INPP5A: variants seen among roughly 807,000 people sequenced by gnomAD.
INPP5A encodes the protein 43 kDa inositol polyphosphate 5-phophatase.
In INPP5A, 14 loss-of-function variants were observed where a neutral mutation model predicts 65.2. That is an observed-to-expected ratio of 0.21 (90% CI 0.14 to 0.34). INPP5A has a LOEUF of 0.34. Among genes scored for constraint, INPP5A ranks in the 10% least tolerant of loss-of-function variants. INPP5A has a pLI of 1.00. For synonymous variants in INPP5A, 207 were observed against 208.3 expected, an observed-to-expected ratio of 0.99 and a Z score of 0.05; for missense variants, 431 against 545.6, an observed-to-expected ratio of 0.79 and a Z score of 2.09.
chr10:132,697,672 G>A lies in INPP5A; in HGVS notation c.371-144G>A, dbSNP rs567356018. On this transcript the variant is annotated intron_variant, in intron 5 of 15. Coordinates refer to ENST00000368594, the MANE Select transcript of INPP5A (RefSeq NM_005539.5). This position sits in a 1 kb window ranked among gnomAD's most constrained non-coding sequence, Gnocchi z 5.6. Reference sequence around the variant, plus strand: ...CCGGCCCGCTGGGGGTCTGTTCTGGGTCGGACCCCTCATCAGGGCCTCCTC... The same window carrying A: ...CCGGCCCGCTGGGGGTCTGTTCTGGATCGGACCCCTCATCAGGGCCTCCTC... 4 of 628,236 alleles carry A rather than the reference G, an allele frequency of 6.4e-6. No individual in the cohort carries two copies. Among genetic ancestry groups the A allele is most frequent in the African/African-American group, 1.8e-5 (1 of 54,600 alleles). 38.9% of individuals were successfully genotyped at this position (628,236 alleles called of 1,614,324 possible). A position where few individuals can be genotyped will look rare whatever the true frequency, so the allele number is the denominator to read the frequency against.
chr10:132,597,160 T>G (rs1208941734), intron 1 of INPP5A, among the ~76,000 whole-genome samples: 3 of 152,206 alleles, frequency 2.0e-5, no homozygotes, highest in African/African-American at 4.8e-5. Flanking sequence ...TGTGTGAGTG[T>G]GTGTGCGCAT....
At chr10:132,641,947 T>C (rs2072431532) in intron 2 of INPP5A, among the ~76,000 whole-genome samples, 1 of 152,218 alleles carries the variant, frequency 6.6e-6, no homozygotes, top group African/African-American at 2.4e-5. Flanking sequence ...CCCCTGTGCA[T>C]GGTCAGGGTG....
At chr10:132,736,083 C>A (rs1451454539) in intron 9 of INPP5A, among the ~76,000 whole-genome samples, 6 of 152,244 alleles carry the variant, frequency 3.9e-5, no homozygotes, top group African/African-American at 7.2e-5. Flanking sequence ...AGATCTGGCA[C>A]CACGGAAGCT....
At chr10:132,628,810 G>C (rs115375660) in intron 2 of INPP5A, among the ~76,000 whole-genome samples, 1,995 of 152,258 alleles carry the variant, frequency 0.013, 39 homozygotes, top group African/African-American at 0.044. Context: ...AATAGAAATG[G>C]TGTGTAAAGT....
At chr10:132,645,590 G>A (rs1262634003) in intron 2 of INPP5A, among the ~76,000 whole-genome samples, 2 of 152,198 alleles carry the variant, frequency 1.3e-5, no homozygotes, top group East Asian at 1.9e-4. Context: ...TAGAAATAAG[G>A]CCTCTAGATG....
At chr10:132,596,924 C>CGCACGTGCACGCATGTGT (rs2071703454) in intron 1 of INPP5A, among the ~76,000 whole-genome samples, 1 of 22,792 alleles carries the variant, frequency 4.4e-5, no homozygotes, top group African/African-American at 5.6e-5. Flanking sequence ...CATGTGTGCG[C>CGCACGTGCACGCATGTGT]GCATGTGCAC....
At chr10:132,736,986 G>T (rs1476861870) in intron 9 of INPP5A, among the ~76,000 whole-genome samples, 1 of 152,226 alleles carries the variant, frequency 6.6e-6, no homozygotes, top group Non-Finnish European at 1.5e-5. Flanking sequence ...GAGAGGCCAG[G>T]TCCCTGTGTC....
At chr10:132,595,857 C>T (rs1437907011) in intron 1 of INPP5A, among the ~76,000 whole-genome samples, 1 of 151,824 alleles carries the variant, frequency 6.6e-6, no homozygotes, top group Admixed American at 6.6e-5. Flanking sequence ...TAAGGACTGA[C>T]TCCCAGAAAT....
intron 1 of INPP5A, among the ~76,000 whole-genome samples, chr10:132,569,713 A>G (rs1021765821): frequency 1.3e-5 from 2 of 150,512 alleles, no homozygotes; most frequent in African/African-American, 4.9e-5. Flanking sequence ...CATATTGGCC[A>G]GGCTGGTCTC....
chr10:132,691,831 GGTCGCGGGAGACGTGC>G (rs1564967260), intron 5 of INPP5A, among the ~76,000 whole-genome samples: 4 of 148,590 alleles, frequency 2.7e-5, no homozygotes, highest in Non-Finnish European at 6.1e-5. Context: ...GGAGACGTGT[GGTCGCGGGAGACGTGC>G]GGTCGCGGGA....
chr10:132,616,500 G>GGT lies in INPP5A; in HGVS notation c.117+8552_117+8553dup, dbSNP rs2072035707. Among the ~76,000 whole-genome samples, 3 of 152,098 alleles carry GGT rather than the reference G, an allele frequency of 2.0e-5. No homozygotes were observed. ...TGTAGAATGTGGTGCTGATGGATGT[G>GGT]GTGTGTGTGGGATGCTGTGGTCACA... On this transcript the variant is annotated intron_variant, in intron 2 of 15. Coordinates refer to ENST00000368594, the MANE Select transcript of INPP5A (RefSeq NM_005539.5). This position sits in a 1 kb window ranked among gnomAD's most constrained non-coding sequence, Gnocchi z 4.9.
rs772256725 is a variant in INPP5A at position 132,650,175 on chromosome 10, C to T, written c.219-243C>T. On this transcript the variant is annotated intron_variant, in intron 3 of 15. Transcript: ENST00000368594. The surrounding 1 kb of genome is among the most constrained non-coding windows in gnomAD (Gnocchi z 5.5). Reference sequence around the variant, plus strand: ...ATCCCTGGGATGCCTCAGACCCCGGCATCTCACAGGCTGCGTGGAGACCAG... The same window carrying T: ...ATCCCTGGGATGCCTCAGACCCCGGTATCTCACAGGCTGCGTGGAGACCAG... Among the ~76,000 whole-genome samples the T allele has an allele frequency of 3.3e-5, 5 of 152,234 alleles. No homozygotes were observed. The highest frequency in any genetic ancestry group is 7.2e-5 in the African/African-American group (3 of 41,464).
rs1275274286 is a variant in INPP5A at position 132,612,273 on chromosome 10, T to C, written c.117+4317T>C. On this transcript the variant is annotated intron_variant, in intron 2 of 15. Coordinates refer to ENST00000368594, the MANE Select transcript of INPP5A (RefSeq NM_005539.5). ...AGGTGAGGTGGGCAGGGGAGAGGCC[T>C]TGTCAGAGGAGGGTGAGGGAGGTGA... Among the ~76,000 whole-genome samples, 117 of 124,254 alleles carry C rather than the reference T, an allele frequency of 9.4e-4. No homozygotes were observed. The Middle Eastern group carries it at 0.024, about 25-fold the overall frequency. The allele number at this position is 124,254 out of a possible 152,430, so 81.5% of individuals were successfully genotyped here.
chr10:132,712,543 CGT>C (rs1336173694), intron 8 of INPP5A, among the ~76,000 whole-genome samples: 1 of 146,038 alleles, frequency 6.8e-6, no homozygotes, highest in African/African-American at 2.6e-5. Flanking sequence ...TGTGTGCACA[CGT>C]GGACACATGT....
intron 2 of INPP5A, among the ~76,000 whole-genome samples, chr10:132,623,554 CTT>C (rs1206005858): frequency 6.6e-6 from 1 of 152,040 alleles, no homozygotes; most frequent in African/African-American, 2.4e-5. Context: ...TAGAAGGAAA[CTT>C]AAGAGAAAAT....
intron 9 of INPP5A, among the ~76,000 whole-genome samples, chr10:132,732,005 G>A (rs566011946): frequency 3.9e-5 from 6 of 152,324 alleles, no homozygotes; most frequent in East Asian, 1.9e-4. Context: ...CCACCCAGGG[G>A]AGCCCCCGGC....
At chr10:132,736,606 C>G (rs1399517134) in intron 9 of INPP5A, among the ~76,000 whole-genome samples, 1 of 152,214 alleles carries the variant, frequency 6.6e-6, no homozygotes, top group African/African-American at 2.4e-5. Flanking sequence ...GAGGCAGGAT[C>G]CCAGCACCTG....
rs12776969 is a variant in INPP5A, at chr10:132,741,132, C to T, written c.733-8385C>T. Among the ~76,000 whole-genome samples, 25,198 of 152,184 alleles carry T rather than the reference C, an allele frequency of 0.17. 2,547 individuals are homozygous for T. The highest frequency in any genetic ancestry group is 0.23 in the Non-Finnish European group (15,368 of 67,992). On this transcript the variant is annotated intron_variant, in intron 9 of 15. Coordinates refer to ENST00000368594, the MANE Select transcript of INPP5A (RefSeq NM_005539.5). This position sits in a 1 kb window ranked among gnomAD's most constrained non-coding sequence, Gnocchi z 4.4. ...CCTGTAGTCCCAGATACTCAGGAGG[C>T]TGAGGCGGGAGGATTGCTTGAGCCC...
chr10:132,731,510 T>A (rs1241219789), intron 9 of INPP5A, among the ~76,000 whole-genome samples: 3 of 152,194 alleles, frequency 2.0e-5, no homozygotes. Flanking sequence ...CAGACGACCC[T>A]GGGAGTGACC....
Sources: allele counts gnomAD v4.1 joint callset (sites outside exome capture counted in the v4.1 genomes callset), GRCh38; gene constraint gnomAD v4.1.1; non-coding constraint Gnocchi (gnomAD v3.1); transcripts MANE v1.5; gene names NCBI Gene and HGNC (gene_info 2026-07-23, HGNC 2026-07-21).